Variants in RBFOX1 observed in about 807,000 individuals in gnomAD.
RBFOX1 encodes RNA binding fox-1 homolog 1.
In RBFOX1, 8 loss-of-function variants were observed where a neutral mutation model predicts 57.7. The observed-to-expected ratio is 0.14, with a 90% CI of 0.08 to 0.25. The LOEUF (loss-of-function observed/expected upper bound fraction) is 0.25, where lower values mean the gene tolerates loss of function less well. Ranked by LOEUF, RBFOX1 falls within the 10% of genes least tolerant of loss-of-function variation. RBFOX1 has a pLI of 1.00. For missense variants in RBFOX1, 611 were observed against 548.5 expected (o/e 1.11, Z -1.14); for synonymous variants, 326 against 222.4 (o/e 1.47, Z -4.15).
At chr16:7,200,219 T>A (rs1177243439) in intron 4 of RBFOX1, among the ~76,000 whole-genome samples, 2 of 152,206 alleles carry the variant, frequency 1.3e-5, no homozygotes, top group South Asian at 2.1e-4. Flanking sequence ...GAAACTCGAC[T>A]GTCCTTGTAG....
chr16:5,695,812 G>T (rs1302057856), intron 3 of RBFOX1, among the ~76,000 whole-genome samples: 2 of 152,136 alleles, frequency 1.3e-5, no homozygotes, highest in African/African-American at 4.8e-5. Context: ...TAAAGGAAAG[G>T]AGGTAACTAT....
chr16:6,460,878 G>A (rs2094903043), intron 2 of RBFOX1, among the ~76,000 whole-genome samples: 1 of 150,456 alleles, frequency 6.6e-6, no homozygotes, highest in Non-Finnish European at 1.5e-5. Context: ...TGATAGACTG[G>A]ATAAAGAAAA....
chr16:6,838,901 A>G (rs2141351908), intron 3 of RBFOX1, among the ~76,000 whole-genome samples: 1 of 152,244 alleles, frequency 6.6e-6, no homozygotes, highest in South Asian at 2.1e-4. Context: ...ATTCTTCATT[A>G]TTAAATACCA....
chr16:7,553,901 TCTG>T (rs1444486933), intron 5 of RBFOX1, among the ~76,000 whole-genome samples: 6 of 152,224 alleles, frequency 3.9e-5, no homozygotes, highest in African/African-American at 1.2e-4. Context: ...AGAGCTAAGT[TCTG>T]CTTAAAAGCC....
At chr16:6,909,148 G>A (rs902816816) in intron 3 of RBFOX1, among the ~76,000 whole-genome samples, 14 of 152,130 alleles carry the variant, frequency 9.2e-5, no homozygotes, top group Admixed American at 7.2e-4. Context: ...AAAATCAAAC[G>A]TCAACAGTGT....
At chr16:6,136,478 G>A (rs187865604) in intron 1 of RBFOX1, among the ~76,000 whole-genome samples, 59 of 152,240 alleles carry the variant, frequency 3.9e-4, no homozygotes, top group Admixed American at 1.8e-3. Flanking sequence ...AAGGGCTTAC[G>A]CTTCATTTTT....
intron 2 of RBFOX1, among the ~76,000 whole-genome samples, chr16:6,323,676 C>T (rs1275273573): frequency 6.6e-6 from 1 of 152,104 alleles, no homozygotes; most frequent in Admixed American, 6.6e-5. Context: ...CTTTTGAAAA[C>T]ATTATTTATA....
chr16:6,749,261 T>C (rs2074421384), intron 3 of RBFOX1, among the ~76,000 whole-genome samples: 1 of 152,162 alleles, frequency 6.6e-6, no homozygotes, highest in Admixed American at 6.5e-5. Flanking sequence ...CCTGGGTTCC[T>C]CATTGGTACA....
intron 2 of RBFOX1, among the ~76,000 whole-genome samples, chr16:6,558,532 T>G (rs888170823): frequency 2.0e-5 from 3 of 152,186 alleles, no homozygotes; most frequent in Non-Finnish European, 4.4e-5. Context: ...CCTCCTGATG[T>G]AGAACTTTGT....
At chr16:5,490,450 G>A (rs201520096) in intron 2 of RBFOX1, among the ~76,000 whole-genome samples, 1 of 152,168 alleles carries the variant, frequency 6.6e-6, no homozygotes, top group Non-Finnish European at 1.5e-5. Flanking sequence ...GTAGGTGCTC[G>A]GCCTTGTGGA....
At chr16:7,356,391 G>A (rs1045184402) in intron 4 of RBFOX1, among the ~76,000 whole-genome samples, 1 of 152,310 alleles carries the variant, frequency 6.6e-6, no homozygotes, top group Non-Finnish European at 1.5e-5. Flanking sequence ...CTCTGAGCAT[G>A]CACACTAAAG....
intron 1 of RBFOX1, among the ~76,000 whole-genome samples, chr16:6,272,576 A>G (rs925114605): frequency 2.0e-5 from 3 of 152,320 alleles, no homozygotes; most frequent in African/African-American, 7.2e-5. Flanking sequence ...TTGTGGATAG[A>G]GACAACACTA....
intron 4 of RBFOX1, among the ~76,000 whole-genome samples, chr16:7,057,509 C>T (rs1015482590): frequency 7.2e-5 from 11 of 152,116 alleles, no homozygotes; most frequent in South Asian, 2.1e-4. Context: ...CATCGCTTTC[C>T]ACCGGTATAG....
intron 1 of RBFOX1, among the ~76,000 whole-genome samples, chr16:5,388,002 T>C (rs2066302162): frequency 6.6e-6 from 1 of 152,070 alleles, no homozygotes. Flanking sequence ...AGGTGGCCTC[T>C]AGAAAGTGGG....
intron 3 of RBFOX1, among the ~76,000 whole-genome samples, chr16:6,688,538 C>T (rs1216277408): frequency 6.6e-6 from 1 of 152,228 alleles, no homozygotes; most frequent in East Asian, 1.9e-4. Flanking sequence ...AGTAACTTCC[C>T]AAGCACCGTA....
intron 1 of RBFOX1, among the ~76,000 whole-genome samples, chr16:6,039,305 G>C (rs1226278646): frequency 6.8e-6 from 1 of 146,178 alleles, no homozygotes; most frequent in Non-Finnish European, 1.5e-5. Flanking sequence ...TTGGAATTTG[G>C]CACAAAAATC....
intron 4 of RBFOX1, among the ~76,000 whole-genome samples, chr16:7,068,844 C>A (rs958675602): frequency 6.6e-6 from 1 of 152,238 alleles, no homozygotes; most frequent in African/African-American, 2.4e-5. Context: ...CTGCCATGGC[C>A]TCCCAATGTG....
At chr16:7,700,068 C>G (rs2148065637) in intron 14 of RBFOX1, among the ~76,000 whole-genome samples, 1 of 152,240 alleles carries the variant, frequency 6.6e-6, no homozygotes, top group Non-Finnish European at 1.5e-5. Flanking sequence ...TACTTCTCAA[C>G]CTGCTTGTTT....
chr16:6,149,330 C>T (rs760944685), intron 1 of RBFOX1, among the ~76,000 whole-genome samples: 1 of 152,188 alleles, frequency 6.6e-6, no homozygotes, highest in Non-Finnish European at 1.5e-5. Context: ...TGTCCTTGGG[C>T]AAGTAACTTA....
Sources: allele counts gnomAD v4.1 joint callset (sites outside exome capture counted in the v4.1 genomes callset), GRCh38; gene constraint gnomAD v4.1.1; transcripts MANE v1.5; gene names NCBI Gene and HGNC (gene_info 2026-07-23, HGNC 2026-07-21).